The following MDN1 variants were observed in gnomAD, a reference collection of about 807,000 sequenced individuals.
The protein encoded by MDN1 is midasin.
MDN1 carries 266 observed loss-of-function variants against 669.2 expected under a neutral mutation model. The observed-to-expected ratio is 0.40, with a 90% CI of 0.36 to 0.44. MDN1 has a LOEUF of 0.44. MDN1 is among the 20% of genes least tolerant of loss of function. The probability of loss-of-function intolerance (pLI) is 1.00; values close to 1 mark genes in which losing one functional copy is unlikely to be tolerated. For missense variants in MDN1, 5,940 were observed against 6,754.0 expected, an observed-to-expected ratio of 0.88 and a Z score of 4.22; for synonymous variants, 2,385 against 2,457.1, an observed-to-expected ratio of 0.97 and a Z score of 0.87.
At chr6:89,762,629 T>A in intron 15 of MDN1, 99 bp from the exon 16 acceptor site, 1 of 801,988 alleles carries the variant, frequency 1.2e-6, no homozygotes, top group Non-Finnish European at 2.0e-6. Context: ...AGATTTCATT[T>A]AATTAACGTC....
intron 83 of MDN1, 38 bp downstream of exon 83, chr6:89,670,881 C>T (rs1810705089): frequency 1.9e-6 from 3 of 1,581,268 alleles, no homozygotes; most frequent in East Asian, 2.3e-5. Context: ...TTACTTGGGT[C>T]CCTGCTGCTC....
intron 15 of MDN1, among the ~76,000 whole-genome samples, chr6:89,768,531 C>CAAAT (rs1319082311): frequency 6.6e-6 from 1 of 152,120 alleles, no homozygotes; most frequent in Non-Finnish European, 1.5e-5. Context: ...AGTGTGAGAA[C>CAAAT]AAATGAATAC....
At chr6:89,755,281 A>T (rs6454775) in intron 20 of MDN1, among the ~76,000 whole-genome samples, 129,618 of 151,654 alleles carry the variant, frequency 0.85, 55,563 homozygotes, top group African/African-American at 0.91. Flanking sequence ...CTGTAGCTCA[A>T]CCCTGTAATT....
intron 63 of MDN1, 65 bp downstream of exon 63, chr6:89,692,378 G>A (rs1812428302): frequency 4.2e-6 from 6 of 1,442,660 alleles, no homozygotes; most frequent in South Asian, 2.7e-5. Flanking sequence ...CCTGCAGGCC[G>A]CCCTGCTGTG....
intron 33 of MDN1, among the ~76,000 whole-genome samples, chr6:89,738,029 A>G (rs1816089399): frequency 6.6e-6 from 1 of 152,140 alleles, no homozygotes; most frequent in African/African-American, 2.4e-5. Flanking sequence ...TAGCCAAAAA[A>G]ATTTTTAAAT....
In MDN1 at chr6:89,734,691, A is replaced by AAGAGAGAGAGAGAGAGAGAG. The variant is rs1554188772; in HGVS notation, c.4724-1936_4724-1917dup. On this transcript the variant is annotated intron_variant, in intron 33 of 101. Transcript: ENST00000369393. ...AGAAGAAAAAAAAAAAAAAAAAAAC[A>AAGAGAGAGAGAGAGAGAGAG]AGAGAGAGAGAGAGAGAGAGAGAGA... Among the ~76,000 whole-genome samples, 6 of 112,972 alleles carry AAGAGAGAGAGAGAGAGAGAG rather than the reference A, an allele frequency of 5.3e-5. No individual in the cohort carries two copies. The East Asian group carries it at 1.4e-3, about 26-fold the overall frequency. The allele number at this position is 112,972 out of a possible 152,430, so 74.1% of individuals were successfully genotyped here. A position where few individuals can be genotyped will look rare whatever the true frequency, so the allele number is the denominator to read the frequency against.
At chr6:89,798,339 C>T (rs1819725736) in intron 2 of MDN1, among the ~76,000 whole-genome samples, 1 of 151,600 alleles carries the variant, frequency 6.6e-6, no homozygotes. Flanking sequence ...ATGGAGAAAC[C>T]CCGTCTCTAC....
chr6:89,658,525 T>TCCTA (rs1169613314), intron 89 of MDN1, 85 bp downstream of exon 89: 50 of 1,534,398 alleles, frequency 3.3e-5, no homozygotes, highest in Middle Eastern at 1.8e-4. Context: ...TGGAGGAGTA[T>TCCTA]CCTAAAAGGG....
chr6:89,771,900 G>T (rs1357055959), intron 14 of MDN1, among the ~76,000 whole-genome samples: 4 of 152,036 alleles, frequency 2.6e-5, no homozygotes, highest in African/African-American at 7.2e-5. Context: ...TAGAGACAGG[G>T]TCTCATGATG....
rs1394207224 is a variant in MDN1, at chr6:89,754,118, T to C, written c.2929A>G (p.Asn977Asp). 1.2e-6 allele frequency: 2 copies of C among 1,614,068 alleles called. No homozygotes were observed. The highest frequency in any genetic ancestry group is 1.7e-6 in the Non-Finnish European group (2 of 1,179,980). Reference protein sequence around the residue: ...LCRALRFAASNPCGNIQRSLY... With the variant: ...LCRALRFAASDPCGNIQRSLY... ...GAGCGCTGAATGTTGCCACATGGAT[T>C]GGAGGCTGCAAATCGCAGGGCCCGG... The change falls in exon 21 of 102, where the codon AAT becomes GAT. Residue 977 changes from asparagine to aspartate, a missense_variant. Asn to Asp is a conservative substitution (Grantham distance 23). Around this residue, in one of 5 missense-constraint regions of MDN1, gnomAD observed 1,203 missense variants for 1,268.9 expected, o/e 0.95. Coordinates refer to ENST00000369393, the MANE Select transcript of MDN1 (RefSeq NM_014611.3).
At chr6:89,696,617 C>G (rs762421937) in intron 59 of MDN1, 43 bp from the exon 60 acceptor site, 1 of 1,498,132 alleles carries the variant, frequency 6.7e-7, no homozygotes, top group African/African-American at 1.4e-5. Flanking sequence ...GAAATTAAGA[C>G]AATTTCCAGA....
chr6:89,671,053 C>G lies in MDN1; in HGVS notation c.13822G>C (p.Val4608Leu). ...LFFSQSCSLL[V>L]RLVPVLSSYS... Reference sequence around the variant, plus strand: ...CTGGAGAGGACCGGCACCAGGCGCACCAGCAAGGAACAGGATTGGCTGAAG... The same window carrying G: ...CTGGAGAGGACCGGCACCAGGCGCAGCAGCAAGGAACAGGATTGGCTGAAG... The change falls in exon 83 of 102, where the codon GTG becomes CTG. Residue 4608 changes from valine (V) to leucine (L), a missense_variant. Around this residue, in one of 5 missense-constraint regions of MDN1, gnomAD observed 2,280 missense variants for 2,576.3 expected, o/e 0.88. Transcript: ENST00000369393. 1 of 1,613,918 alleles carries G rather than the reference C, an allele frequency of 6.2e-7. No individual in the cohort carries two copies. Among genetic ancestry groups the G allele is most frequent in the Non-Finnish European group, 8.5e-7 (1 of 1,179,986 alleles).
In MDN1 at chr6:89,670,472, C is replaced by T. The variant is rs183043205; in HGVS notation, c.13956+447G>A. 4.6e-5 allele frequency among the ~76,000 whole-genome samples: 7 copies of T among 152,116 alleles called. No individual in the cohort carries two copies. In the East Asian group the frequency reaches 1.2e-3, roughly 26 times the overall value. On this transcript the variant is annotated intron_variant, in intron 83 of 101. Coordinates refer to ENST00000369393, the MANE Select transcript of MDN1 (RefSeq NM_014611.3). ...GGATTACAGGCGTGAGCCACCACAA[C>T]AGGCGAAAAACACTCTAATAATAAC...
intron 85 of MDN1, among the ~76,000 whole-genome samples, chr6:89,663,267 C>T (rs1230298623): frequency 6.6e-6 from 1 of 152,112 alleles, no homozygotes; most frequent in Admixed American, 6.5e-5. Flanking sequence ...GACTCAGCAA[C>T]CTGAGTTTTA....
intron 74 of MDN1, among the ~76,000 whole-genome samples, chr6:89,679,985 A>G (rs539020261): frequency 1.3e-5 from 2 of 152,274 alleles, no homozygotes; most frequent in South Asian, 4.1e-4. Flanking sequence ...ATTAGATGCA[A>G]CCTCATTAAA....
At position 89,700,529 on chromosome 6, in the gene MDN1, T is replaced by C. The variant is rs563267727; in HGVS notation, c.8638+117A>G. The C allele has an allele frequency of 3.7e-5, 36 of 979,934 alleles. 3 individuals carry two copies. The South Asian group carries it at 5.4e-4, about 15-fold the overall frequency. 60.7% of individuals were successfully genotyped at this position (979,934 alleles called of 1,614,324 possible). A position where few individuals can be genotyped will look rare whatever the true frequency, so the allele number is the denominator to read the frequency against. On this transcript the variant is annotated intron_variant, in intron 56 of 101. Transcript: ENST00000369393. The stretch of plus-strand genomic sequence containing the variant: ...TGCCTGACACTTATATAAAGGTATA[T>C]AAACTCTACCCCTCACATCACCCAG...
Position 89,712,806 on chromosome 6 carries a change from C to T in MDN1, c.7219-20G>A. On this transcript the variant is annotated intron_variant, in intron 47 of 101. Coordinates refer to ENST00000369393, the MANE Select transcript of MDN1 (RefSeq NM_014611.3). ...TACAAGCTGGTAGGAGACAAAAACACAATACAGTGGTACCAACATAAAAGT... is the reference window on the plus strand; with the variant it reads ...TACAAGCTGGTAGGAGACAAAAACATAATACAGTGGTACCAACATAAAAGT... The T allele has an allele frequency of 6.2e-7, 1 of 1,603,564 alleles. No individual in the cohort carries two copies. The highest frequency in any genetic ancestry group is 8.5e-7 in the Non-Finnish European group (1 of 1,170,548).
In MDN1 at chr6:89,683,303, A is replaced by G. The variant is rs1442832413; in HGVS notation, c.11931T>C (p.Phe3977=). ...HRTLFKFMKK[F]EAVLSEPCRS... Reference sequence around the variant, plus strand: ...GGCAGGGTTCACTCAGGACTGCTTCAAATTTCTTCATGAATTTAAAGAGTG... The same window carrying G: ...GGCAGGGTTCACTCAGGACTGCTTCGAATTTCTTCATGAATTTAAAGAGTG... The change falls in exon 73 of 102, where the codon TTT becomes TTC. Residue 3977 remains phenylalanine (F), a synonymous_variant. Transcript: ENST00000369393. 1.2e-6 allele frequency: 2 copies of G among 1,614,074 alleles called. No individual in the cohort carries two copies. Among genetic ancestry groups the G allele is most frequent in the African/African-American group, 1.3e-5 (1 of 74,936 alleles).
intron 40 of MDN1, among the ~76,000 whole-genome samples, chr6:89,722,350 T>C (rs565918628): frequency 6.6e-6 from 1 of 152,374 alleles, no homozygotes; most frequent in African/African-American, 2.4e-5. Context: ...TGCCTCCTCC[T>C]GCTTCTCACC....
Sources: allele counts gnomAD v4.1 joint callset (sites outside exome capture counted in the v4.1 genomes callset), GRCh38; gene constraint gnomAD v4.1.1; regional missense constraint gnomAD v4.1.1; transcripts MANE v1.5; gene names NCBI Gene and HGNC (gene_info 2026-07-23, HGNC 2026-07-21).